PTK2: variants seen among roughly 807,000 people sequenced by gnomAD.
PTK2 encodes protein tyrosine kinase 2, also known as focal adhesion kinase 1.
A neutral mutation model predicts 150.1 loss-of-function variants in PTK2; 45 were observed. The ratio of observed to expected loss-of-function variants is 0.30; its 90% CI spans 0.24 to 0.38. The LOEUF (loss-of-function observed/expected upper bound fraction) is 0.38, where lower values mean the gene tolerates loss of function less well. Ranked by LOEUF, PTK2 falls within the 10% of genes least tolerant of loss-of-function variation. The probability of loss-of-function intolerance (pLI) is 1.00; values close to 1 mark genes in which losing one functional copy is unlikely to be tolerated. For missense variants in PTK2, 919 were observed against 1,307.3 expected, an observed-to-expected ratio of 0.70 and a Z score of 4.58; for synonymous variants, 432 against 449.2, an observed-to-expected ratio of 0.96 and a Z score of 0.48.
chr8:140,943,959 T>A (rs2100176756), intron 1 of PTK2, among the ~76,000 whole-genome samples: 1 of 152,208 alleles, frequency 6.6e-6, no homozygotes, highest in Admixed American at 6.5e-5. Context: ...TCAGACAGTT[T>A]ATCAAAGAAA....
intron 26 of PTK2, among the ~76,000 whole-genome samples, chr8:140,688,382 A>AAT (rs1408565857): frequency 6.6e-6 from 1 of 152,190 alleles, no homozygotes; most frequent in African/African-American, 2.4e-5. Context: ...TATTCATTTA[A>AAT]AAGCAATAGT....
intron 1 of PTK2, among the ~76,000 whole-genome samples, chr8:140,963,973 T>C (rs1333688837): frequency 6.6e-6 from 1 of 152,198 alleles, no homozygotes; most frequent in Non-Finnish European, 1.5e-5. Flanking sequence ...AGGGTCATAC[T>C]GAACAACCTC....
rs568791441 is a variant in PTK2 at position 140,731,944 on chromosome 8, G to A, written c.2030+3307C>T. On this transcript the variant is annotated intron_variant, in intron 22 of 31. Transcript: ENST00000522684. ...ACGCATACACTCCAGTTAAAGATGA[G>A]GGGAATCCCACAGTAATTTGAGTCT... 3.3e-5 allele frequency among the ~76,000 whole-genome samples: 5 copies of A among 152,184 alleles called. No homozygotes were observed. The South Asian group carries it at 8.3e-4, about 25-fold the overall frequency.
intron 16 of PTK2, among the ~76,000 whole-genome samples, chr8:140,756,968 AAC>A (rs1326902028): frequency 4.0e-5 from 6 of 151,868 alleles, no homozygotes; most frequent in Admixed American, 3.9e-4. Context: ...TGGCCTGGGC[AAC>A]AGAGCGATAC....
At chr8:140,875,704 C>T (rs2100145090) in intron 4 of PTK2, among the ~76,000 whole-genome samples, 1 of 152,210 alleles carries the variant, frequency 6.6e-6, no homozygotes, top group South Asian at 2.1e-4. Context: ...TATTCCCCTA[C>T]TGCACCATCT....
At chr8:140,804,826 G>A (rs368484223) in intron 10 of PTK2, among the ~76,000 whole-genome samples, 1 of 152,120 alleles carries the variant, frequency 6.6e-6, no homozygotes. Context: ...GCCTTTCCCC[G>A]GGAGGCCACA....
chr8:140,720,849 G>A (rs960219271), intron 22 of PTK2, among the ~76,000 whole-genome samples: 1 of 152,166 alleles, frequency 6.6e-6, no homozygotes, highest in African/African-American at 2.4e-5. Flanking sequence ...TACCTCCCAG[G>A]TTCAAGCGAT....
intron 1 of PTK2, among the ~76,000 whole-genome samples, chr8:140,991,161 G>GAATGTATTGAATTTAGGC (rs1222617483): frequency 6.6e-6 from 1 of 152,162 alleles, no homozygotes; most frequent in African/African-American, 2.4e-5. Context: ...AAAGGCAAAA[G>GAATGTATTGAATTTAGGC]AATGTATTGA....
intron 1 of PTK2, among the ~76,000 whole-genome samples, chr8:140,932,707 T>C (rs2100172287): frequency 6.6e-6 from 1 of 152,350 alleles, no homozygotes; most frequent in Admixed American, 6.5e-5. Context: ...TCTTCTATGA[T>C]ACAGCAGAAA....
At chr8:140,890,265 G>T in intron 3 of PTK2, 1 of 342,194 alleles carries the variant, frequency 2.9e-6, no homozygotes, top group Non-Finnish European at 5.2e-6. Context: ...TCATCCAAGA[G>T]TTAAAAAAAA....
intron 29 of PTK2, among the ~76,000 whole-genome samples, chr8:140,671,531 T>C (rs940744652): frequency 6.6e-6 from 1 of 152,164 alleles, no homozygotes; most frequent in Non-Finnish European, 1.5e-5. Context: ...CATTGCAGTA[T>C]TAGAACAATA....
intron 27 of PTK2, among the ~76,000 whole-genome samples, chr8:140,681,726 G>A (rs562744384): frequency 1.3e-5 from 2 of 152,240 alleles, no homozygotes; most frequent in African/African-American, 2.4e-5. Flanking sequence ...GCCGTGAGCC[G>A]AGATCGCGCC....
intron 8 of PTK2, among the ~76,000 whole-genome samples, chr8:140,825,133 C>T (rs1230098510): frequency 6.6e-6 from 1 of 152,170 alleles, no homozygotes; most frequent in Non-Finnish European, 1.5e-5. Context: ...AACCCAAACA[C>T]CAAATGCTTT....
chr8:140,757,472 A>G (rs1032537292), intron 16 of PTK2, among the ~76,000 whole-genome samples: 9 of 152,308 alleles, frequency 5.9e-5, no homozygotes, highest in Admixed American at 5.9e-4. Flanking sequence ...AAGGCTTCCA[A>G]AAGTGAACTA....
At chr8:140,859,963 CT>C (rs1306809073) in intron 5 of PTK2, among the ~76,000 whole-genome samples, 1 of 152,240 alleles carries the variant, frequency 6.6e-6, no homozygotes, top group African/African-American at 2.4e-5. Context: ...TATATAATTA[CT>C]TACCAAACCA....
intron 27 of PTK2, among the ~76,000 whole-genome samples, chr8:140,679,388 A>G (rs903908501): frequency 3.2e-4 from 48 of 152,276 alleles, no homozygotes; most frequent in African/African-American, 1.1e-3. Context: ...GGGTAACAAG[A>G]AAGTTTAATG....
chr8:140,736,376 G>C (rs1417628039), intron 21 of PTK2, among the ~76,000 whole-genome samples: 1 of 152,112 alleles, frequency 6.6e-6, no homozygotes, highest in African/African-American at 2.4e-5. Flanking sequence ...TAAAACAGCA[G>C]GGAGGGAAGG....
chr8:140,716,943 C>A (rs967511185), intron 23 of PTK2, among the ~76,000 whole-genome samples: 7 of 152,158 alleles, frequency 4.6e-5, no homozygotes, highest in Non-Finnish European at 8.8e-5. Context: ...CTGGCTAAAA[C>A]CCCCAGCCAT....
chr8:140,697,865 T>TG (rs1426397116), intron 26 of PTK2, among the ~76,000 whole-genome samples: 2 of 133,512 alleles, frequency 1.5e-5, no homozygotes, highest in East Asian at 4.3e-4. Context: ...TTTTTTTTTT[T>TG]TTTTTTTTTT....
Sources: allele counts gnomAD v4.1 joint callset (sites outside exome capture counted in the v4.1 genomes callset), GRCh38; gene constraint gnomAD v4.1.1; transcripts MANE v1.5; gene names NCBI Gene and HGNC (gene_info 2026-07-23, HGNC 2026-07-21).